Variants in EYS observed in about 807,000 individuals in gnomAD.
The protein encoded by EYS is EGF-like photoreceptor maintenance factor.
In EYS, 250 loss-of-function variants were observed where a neutral mutation model predicts 282.1. The ratio of observed to expected loss-of-function variants is 0.89; its 90% CI spans 0.80 to 0.98. The LOEUF (loss-of-function observed/expected upper bound fraction) is 0.98. Among genes scored for constraint, EYS ranks in the 50% least tolerant of loss-of-function variants. The pLI, the probability that EYS is intolerant of heterozygous loss-of-function variation, is 0.00. For missense variants in EYS, 4,016 were observed against 3,709.0 expected, an observed-to-expected ratio of 1.08 and a Z score of -2.15; for synonymous variants, 1,355 against 1,282.9, an observed-to-expected ratio of 1.06 and a Z score of -1.20.
At chr6:64,665,377 A>G (rs1769192298) in intron 22 of EYS, among the ~76,000 whole-genome samples, 1 of 152,184 alleles carries the variant, frequency 6.6e-6, no homozygotes, top group East Asian at 1.9e-4. Flanking sequence ...TGGATTTCAA[A>G]CTATTATAGG....
At chr6:65,671,220 C>T (rs946477763) in intron 1 of EYS, among the ~76,000 whole-genome samples, 3 of 152,102 alleles carry the variant, frequency 2.0e-5, no homozygotes, top group Non-Finnish European at 2.9e-5. Context: ...ATCAGTTCCA[C>T]TCTTGTTTCA....
At chr6:64,322,300 A>C (rs1436595663) in intron 29 of EYS, among the ~76,000 whole-genome samples, 1 of 151,998 alleles carries the variant, frequency 6.6e-6, no homozygotes, top group Non-Finnish European at 1.5e-5. Flanking sequence ...ACCATATAGC[A>C]TATGTGGGGC....
At chr6:64,697,434 T>C (rs1770619472) in intron 22 of EYS, among the ~76,000 whole-genome samples, 2 of 152,182 alleles carry the variant, frequency 1.3e-5, no homozygotes, top group Non-Finnish European at 2.9e-5. Flanking sequence ...AATGCAATCA[T>C]ATTGGGTGAC....
chr6:63,813,720 C>T (rs868803265), intron 36 of EYS, among the ~76,000 whole-genome samples: 25 of 152,088 alleles, frequency 1.6e-4, no homozygotes, highest in African/African-American at 5.8e-4. Flanking sequence ...GCAGAGTGGA[C>T]ACCAGGGAGC....
intron 35 of EYS, among the ~76,000 whole-genome samples, chr6:63,958,812 A>C (rs773413834): frequency 6.6e-5 from 10 of 152,218 alleles, no homozygotes; most frequent in African/African-American, 9.6e-5. Flanking sequence ...CCTGGATTAC[A>C]GGATCTCTAC....
chr6:65,534,957 C>T (rs1767911083), intron 2 of EYS, among the ~76,000 whole-genome samples: 2 of 152,132 alleles, frequency 1.3e-5, no homozygotes, highest in Non-Finnish European at 2.9e-5. Context: ...ACACGCATCT[C>T]ATTGAATGAA....
rs998571716 is a variant in EYS at position 65,091,888 on chromosome 6, G to A, written c.2024-34161C>T. The stretch of plus-strand genomic sequence containing the variant: ...ATATAACTGCACTGCTGACTCTGTA[G>A]GAGAGAGAAAGAATAAGTCCACATC... On this transcript the variant is annotated intron_variant, in intron 12 of 42. Transcript: ENST00000503581. 5.9e-5 allele frequency among the ~76,000 whole-genome samples: 9 copies of A among 152,184 alleles called. No homozygotes were observed. The East Asian group carries it at 1.7e-3, about 29-fold the overall frequency.
intron 12 of EYS, among the ~76,000 whole-genome samples, chr6:65,147,709 C>A (rs544715828): frequency 6.6e-6 from 1 of 152,014 alleles, no homozygotes; most frequent in South Asian, 2.1e-4. Flanking sequence ...ACATGATTAC[C>A]TGTTATATTA....
chr6:65,089,247 C>T (rs114453909), intron 12 of EYS, among the ~76,000 whole-genome samples: 36 of 152,124 alleles, frequency 2.4e-4, no homozygotes, highest in Non-Finnish European at 4.4e-4. Flanking sequence ...ATGACTAGCA[C>T]CTTACACTTG....
At chr6:63,779,464 A>G (rs1360518302) in intron 39 of EYS, 2 of 151,514 alleles carry the variant, frequency 1.3e-5, no homozygotes, top group Non-Finnish European at 2.9e-5. Flanking sequence ...AAAAAAAAAA[A>G]AACCAAACAA....
intron 12 of EYS, among the ~76,000 whole-genome samples, chr6:65,242,561 T>G (rs928422184): frequency 6.6e-6 from 1 of 152,160 alleles, no homozygotes; most frequent in African/African-American, 2.4e-5. Context: ...TTTTAAATTT[T>G]TATTAATGCT....
chr6:64,427,667 G>T (rs538593660), intron 28 of EYS, among the ~76,000 whole-genome samples: 1 of 152,148 alleles, frequency 6.6e-6, no homozygotes, highest in East Asian at 1.9e-4. Flanking sequence ...ACTGAAGGAA[G>T]CAAATATAGG....
intron 36 of EYS, among the ~76,000 whole-genome samples, chr6:63,809,887 C>A (rs1389276424): frequency 6.6e-6 from 1 of 151,546 alleles, no homozygotes; most frequent in Non-Finnish European, 1.5e-5. Context: ...TTTCTCATTC[C>A]CAATATGGCC....
intron 13 of EYS, among the ~76,000 whole-genome samples, chr6:65,004,582 T>C (rs1241528222): frequency 6.8e-6 from 1 of 147,532 alleles, no homozygotes; most frequent in Non-Finnish European, 1.5e-5. Flanking sequence ...CCAAATCCAT[T>C]TTCTCTCCAC....
At chr6:65,077,708 T>A (rs948565401) in intron 12 of EYS, among the ~76,000 whole-genome samples, 3 of 152,090 alleles carry the variant, frequency 2.0e-5, no homozygotes, top group Non-Finnish European at 4.4e-5. Context: ...TAATGTCAGA[T>A]AGATAACAGA....
chr6:63,943,269 G>A lies in EYS; in HGVS notation c.7055+41114C>T, dbSNP rs547757022. ...AAATAAAAATTATTTTCAGGAGAAA[G>A]GGTATCAAACTCAGAGTTAACTTAC... On this transcript the variant is annotated intron_variant, in intron 35 of 42. Coordinates refer to ENST00000503581, the MANE Select transcript of EYS (RefSeq NM_001142800.2). Among the ~76,000 whole-genome samples, 164 of 152,204 alleles carry A rather than the reference G, an allele frequency of 1.1e-3. 1 individual carries two copies. Among genetic ancestry groups the A allele is most frequent in the Non-Finnish European group, 2.0e-3 (136 of 68,026 alleles).
chr6:64,677,558 G>C (rs1309117811), intron 22 of EYS, among the ~76,000 whole-genome samples: 1 of 152,050 alleles, frequency 6.6e-6, no homozygotes, highest in Non-Finnish European at 1.5e-5. Context: ...AAATTTGACT[G>C]ATGATTTAAG....
At chr6:64,870,980 G>A (rs576128617) in intron 19 of EYS, among the ~76,000 whole-genome samples, 28 of 151,982 alleles carry the variant, frequency 1.8e-4, no homozygotes, top group African/African-American at 6.5e-4. Context: ...CACTGTGGAA[G>A]TCTCAGAAGA....
At chr6:65,071,609 T>C (rs1773904918) in intron 12 of EYS, among the ~76,000 whole-genome samples, 1 of 151,806 alleles carries the variant, frequency 6.6e-6, no homozygotes, top group Non-Finnish European at 1.5e-5. Flanking sequence ...AACTCTAAAA[T>C]TATTCACAAG....
Sources: gnomAD v4.1 joint callset for allele counts (sites outside exome capture counted in the v4.1 genomes callset) on GRCh38, gnomAD v4.1.1 for gene constraint, MANE v1.5 for transcripts, NCBI Gene and HGNC (gene_info 2026-07-23, HGNC 2026-07-21) for gene names.